Variants in SVIL observed in about 807,000 individuals in gnomAD.
SVIL encodes archvillin.
SVIL carries 101 observed loss-of-function variants against 240.4 expected under a neutral mutation model. The observed-to-expected ratio is 0.42, with a 90% CI of 0.36 to 0.50. The LOEUF is 0.50. Among genes scored for constraint, SVIL ranks in the 20% least tolerant of loss-of-function variants. The probability of loss-of-function intolerance (pLI) is 0.01; values close to 1 mark genes in which losing one functional copy is unlikely to be tolerated. For missense variants in SVIL, 2,512 were observed against 2,818.7 expected (o/e 0.89, Z 2.46); for synonymous variants, 999 against 1,100.0 (o/e 0.91, Z 1.82).
intron 1 of SVIL, among the ~76,000 whole-genome samples, chr10:29,713,636 G>C (rs1011164552): frequency 5.9e-5 from 9 of 152,108 alleles, no homozygotes; most frequent in African/African-American, 1.9e-4. Context: ...GGGGCAAATA[G>C]ACAATTCATA....
At chr10:29,654,342 A>G (rs892115754) in intron 3 of SVIL, among the ~76,000 whole-genome samples, 1 of 152,052 alleles carries the variant, frequency 6.6e-6, no homozygotes, top group Admixed American at 6.6e-5. Flanking sequence ...CATATTATTC[A>G]TTACAAGTAT....
chr10:29,607,752 G>A (rs988123445), intron 1 of SVIL, among the ~76,000 whole-genome samples: 3 of 152,158 alleles, frequency 2.0e-5, no homozygotes, highest in Non-Finnish European at 2.9e-5. Flanking sequence ...TGACAAGCAG[G>A]GCACATCCCT....
At chr10:29,714,998 G>A (rs557062042) in intron 1 of SVIL, among the ~76,000 whole-genome samples, 183 of 146,076 alleles carry the variant, frequency 1.3e-3, no homozygotes, top group Non-Finnish European at 2.3e-3. Context: ...AGAGAAGGAA[G>A]GAAGGAAGAA....
rs1377167551 is a variant in SVIL, at chr10:29,465,664, C to A, written c.6064G>T (p.Ala2022Ser). 3 of 1,613,754 alleles carry A rather than the reference C, an allele frequency of 1.9e-6. No individual in the cohort carries two copies. Among genetic ancestry groups the A allele is most frequent in the Admixed American group, 3.3e-5 (2 of 60,028 alleles). ...DFAATEFVYP[A>S]RAPSVVSSMP... is the part of the protein sequence containing the mutation. ...GAACTGACCACAGAGGGGGCTCGGG[C>A]AGGGTACACAAACTCTGTGGCTGCA... Residue 2022 changes from alanine (A) to serine (S), a missense_variant, in exon 34 of 38, where the codon GCC becomes TCC. Ala to Ser is a moderately conservative substitution (Grantham distance 99). Around this residue, in one of 3 missense-constraint regions of SVIL, gnomAD observed 797 missense variants for 925.3 expected, o/e 0.86. Transcript: ENST00000355867.
intron 16 of SVIL, among the ~76,000 whole-genome samples, chr10:29,515,548 C>T (rs1156542917): frequency 6.6e-6 from 1 of 152,206 alleles, no homozygotes; most frequent in Admixed American, 6.5e-5. Flanking sequence ...TCTTGTGGAA[C>T]CAAGCACTCA....
chr10:29,626,534 C>A (rs1957877840), intron 1 of SVIL, among the ~76,000 whole-genome samples: 2 of 152,198 alleles, frequency 1.3e-5, no homozygotes, highest in Admixed American at 1.3e-4. Flanking sequence ...TTGTTGTGAA[C>A]ACGAAGATTC....
chr10:29,555,208 CTT>C, intron 3 of SVIL, 100 bp from the exon 4 acceptor site: 1 of 1,173,236 alleles, frequency 8.5e-7, no homozygotes, highest in Non-Finnish European at 1.2e-6. Flanking sequence ...AATTTCAGTT[CTT>C]GATTCCTATG....
At chr10:29,698,616 C>A (rs1476511768) in intron 1 of SVIL, among the ~76,000 whole-genome samples, 10 of 146,592 alleles carry the variant, frequency 6.8e-5, no homozygotes. Context: ...ATGTTAAAAG[C>A]CTTGATTAAA....
chr10:29,623,435 C>G (rs916873587), intron 1 of SVIL, among the ~76,000 whole-genome samples: 2 of 152,360 alleles, frequency 1.3e-5, no homozygotes, highest in African/African-American at 4.8e-5. Flanking sequence ...CTAAGTCAGG[C>G]CCCATGGGTT....
intron 5 of SVIL, among the ~76,000 whole-genome samples, chr10:29,553,575 C>T (rs540336761): frequency 1.2e-4 from 18 of 151,756 alleles, no homozygotes; most frequent in Non-Finnish European, 2.5e-4. Flanking sequence ...GAGCAAAACT[C>T]CATCTCCAAA....
intron 1 of SVIL, among the ~76,000 whole-genome samples, chr10:29,580,263 G>A (rs982435156): frequency 2.8e-4 from 43 of 152,188 alleles, no homozygotes; most frequent in African/African-American, 9.4e-4. Context: ...TGGGAGGAGC[G>A]TTTGAACCCT....
At position 29,484,951 on chromosome 10, in the gene SVIL, G is replaced by T; in HGVS notation, c.4780-120C>A. 1 of 1,091,040 alleles carries T rather than the reference G, an allele frequency of 9.2e-7. No homozygotes were observed. The highest frequency in any genetic ancestry group is 1.3e-6 in the Non-Finnish European group (1 of 781,306). The allele number at this position is 1,091,040 out of a possible 1,614,324, so 67.6% of individuals were successfully genotyped here. A position where few individuals can be genotyped will look rare whatever the true frequency, so the allele number is the denominator to read the frequency against. ...GGAGGAAGACAGAAATCCTAACGGGGCGACCAACACAGACACAAAAAGGCC... is the reference window on the plus strand; with the variant it reads ...GGAGGAAGACAGAAATCCTAACGGGTCGACCAACACAGACACAAAAAGGCC... On this transcript the variant is annotated intron_variant, in intron 26 of 37. Coordinates refer to ENST00000355867, the MANE Select transcript of SVIL (RefSeq NM_021738.3). This position sits in a 1 kb window ranked among gnomAD's most constrained non-coding sequence, Gnocchi z 4.7.
chr10:29,532,327 A>C (rs1951429121), intron 8 of SVIL, among the ~76,000 whole-genome samples, 155 bp from the exon 9 acceptor site: 1 of 152,262 alleles, frequency 6.6e-6, no homozygotes, highest in South Asian at 2.1e-4. Context: ...GAGACATTCC[A>C]GACACCCAAT....
rs376829484 is a variant in SVIL at position 29,735,148 on chromosome 10, G to A, written c.-400+603C>T. On this transcript the variant is annotated intron_variant, in intron 1 of 35. Coordinates refer to the SVIL transcript ENST00000375400. The surrounding 1 kb of genome is among the most constrained non-coding windows in gnomAD (Gnocchi z 4.1). ...CGGGGACTAAACCACTCCCTTCGGGGAGCCCGCACGCGCGCAGAAACGTGG... is the reference window on the plus strand; with the variant it reads ...CGGGGACTAAACCACTCCCTTCGGGAAGCCCGCACGCGCGCAGAAACGTGG... Among the ~76,000 whole-genome samples the A allele has an allele frequency of 6.6e-6, 1 of 152,078 alleles. No individual in the cohort carries two copies. Among genetic ancestry groups the A allele is most frequent in the African/African-American group, 2.4e-5 (1 of 41,432 alleles).
At chr10:29,701,250 A>G (rs1177854231) in intron 1 of SVIL, among the ~76,000 whole-genome samples, 1 of 152,204 alleles carries the variant, frequency 6.6e-6, no homozygotes, top group Non-Finnish European at 1.5e-5. Flanking sequence ...ACTAGAAGAA[A>G]GATGGTCTCT....
chr10:29,563,253 G>A lies in SVIL; in HGVS notation c.-103C>T, dbSNP rs1480722536. The A allele has an allele frequency of 3.0e-6, 3 of 985,640 alleles. No individual in the cohort carries two copies. Among genetic ancestry groups the A allele is most frequent in the African/African-American group, 1.7e-5 (1 of 57,204 alleles). The allele number at this position is 985,640 out of a possible 1,614,324, so 61.1% of individuals were successfully genotyped here. ...CATCGATTCCTCTTTCGTGGTTAGC[G>A]AGCTGTTCTTTATCTTCGAGTGAGA... is the stretch of plus-strand genomic sequence containing the variant. On this transcript the variant is annotated 5_prime_UTR_variant, in exon 3 of 38. Coordinates refer to ENST00000355867, the MANE Select transcript of SVIL (RefSeq NM_021738.3).
chr10:29,718,735 G>T (rs575183053), intron 1 of SVIL, among the ~76,000 whole-genome samples: 3 of 152,164 alleles, frequency 2.0e-5, no homozygotes, highest in Non-Finnish European at 4.4e-5. Flanking sequence ...TGTGCCTGAG[G>T]GGGTGGGGGA....
rs1228345637 is a variant in SVIL, at chr10:29,458,046, A to G, written c.*201T>C. 1.8e-6 allele frequency: 1 copy of G among 563,884 alleles called. No homozygotes were observed. The highest frequency in any genetic ancestry group is 3.0e-5 in the East Asian group (1 of 32,876). The allele number at this position is 563,884 out of a possible 1,614,324, so 34.9% of individuals were successfully genotyped here. A position where few individuals can be genotyped will look rare whatever the true frequency, so the allele number is the denominator to read the frequency against. Reference sequence around the variant, plus strand: ...ATTCTGATAACCTCCTGAATGGTGGAAAGAAGTTTCCAAACAGTTCCCTTG... The same window carrying G: ...ATTCTGATAACCTCCTGAATGGTGGGAAGAAGTTTCCAAACAGTTCCCTTG... On this transcript the variant is annotated 3_prime_UTR_variant, in exon 38 of 38. Coordinates refer to ENST00000355867, the MANE Select transcript of SVIL (RefSeq NM_021738.3).
At chr10:29,580,656 A>AATGTATGT (rs368925968) in intron 1 of SVIL, among the ~76,000 whole-genome samples, 11 of 152,228 alleles carry the variant, frequency 7.2e-5, no homozygotes, top group African/African-American at 2.4e-4. Flanking sequence ...TTAACTAATT[A>AATGTATGT]ATGTATGTAT....
Sources: allele counts gnomAD v4.1 joint callset (sites outside exome capture counted in the v4.1 genomes callset), GRCh38; gene constraint gnomAD v4.1.1; regional missense constraint gnomAD v4.1.1; non-coding constraint Gnocchi (gnomAD v3.1); transcripts MANE v1.5; gene names NCBI Gene and HGNC (gene_info 2026-07-23, HGNC 2026-07-21).